SLC35F1: variants seen among roughly 807,000 people sequenced by gnomAD.
SLC35F1 encodes chromosome 6 open reading frame 169.
Under a neutral mutation model 48.7 loss-of-function variants are expected in SLC35F1, and 14 were observed. That is an observed-to-expected ratio of 0.29 (90% confidence interval 0.19 to 0.45). The LOEUF is 0.45. Ranked by LOEUF, SLC35F1 falls within the 20% of genes least tolerant of loss-of-function variation. SLC35F1 has a pLI of 1.00. For missense variants in SLC35F1, 404 were observed against 500.0 expected, an observed-to-expected ratio of 0.81 and a Z score of 1.83; for synonymous variants, 190 against 202.2, an observed-to-expected ratio of 0.94 and a Z score of 0.51.
intron 1 of SLC35F1, among the ~76,000 whole-genome samples, chr6:118,054,582 G>T (rs1772437165): frequency 6.6e-6 from 1 of 152,166 alleles, no homozygotes; most frequent in Admixed American, 6.5e-5. Flanking sequence ...AAAAGGTGAT[G>T]TGGGTTTGTG....
chr6:117,936,348 G>A (rs865985415), intron 1 of SLC35F1, among the ~76,000 whole-genome samples: 3 of 152,132 alleles, frequency 2.0e-5, no homozygotes, highest in Non-Finnish European at 4.4e-5. Flanking sequence ...GTAGTTGGTG[G>A]TAGGATTATA....
At position 118,314,231 on chromosome 6, in the gene SLC35F1, G is replaced by C. The variant is rs372051123; in HGVS notation, c.1206G>C (p.Glu402Asp). The change falls in exon 8 of 8, where the codon GAG (glutamate) becomes GAC (aspartate). Residue 402 changes from glutamate to aspartate, a missense_variant. By Grantham distance (45) the Glu-to-Asp change is conservative (BLOSUM62 2). Coordinates refer to ENST00000360388, the MANE Select transcript of SLC35F1 (RefSeq NM_001029858.4). ...YTSLGQETEE[E>D]PHVRVA Reference sequence around the variant, plus strand: ...GCCTGGGCCAGGAGACCGAAGAGGAGCCTCATGTTCGTGTGGCCTAGGGTG... The same window carrying C: ...GCCTGGGCCAGGAGACCGAAGAGGACCCTCATGTTCGTGTGGCCTAGGGTG... The C allele has an allele frequency of 1.9e-6, 3 of 1,614,208 alleles. No homozygotes were observed. Among genetic ancestry groups the C allele is most frequent in the Non-Finnish European group, 2.5e-6 (3 of 1,180,024 alleles).
chr6:118,107,517 A>G (rs1468769647), intron 1 of SLC35F1, among the ~76,000 whole-genome samples: 1 of 152,146 alleles, frequency 6.6e-6, no homozygotes, highest in Non-Finnish European at 1.5e-5. Flanking sequence ...GATTTTCTCC[A>G]TTGTCCAACA....
chr6:118,011,803 C>T (rs192629033), intron 1 of SLC35F1, among the ~76,000 whole-genome samples: 1 of 152,264 alleles, frequency 6.6e-6, no homozygotes, highest in Admixed American at 6.5e-5. Flanking sequence ...ACAGGACAGC[C>T]CTGCTCAACA....
chr6:117,923,658 T>TGTACATATATACATAG (rs1775946743), intron 1 of SLC35F1, among the ~76,000 whole-genome samples: 1 of 71,468 alleles, frequency 1.4e-5, no homozygotes, highest in East Asian at 3.7e-4. Flanking sequence ...TATGTACATA[T>TGTACATATATACATAG]GTATATATAC....
At chr6:118,205,094 C>G (rs543509469) in intron 2 of SLC35F1, among the ~76,000 whole-genome samples, 2 of 152,196 alleles carry the variant, frequency 1.3e-5, no homozygotes, top group Non-Finnish European at 2.9e-5. Context: ...ACTCTTCTCT[C>G]CTGATGCAGC....
intron 1 of SLC35F1, among the ~76,000 whole-genome samples, chr6:118,046,057 G>A (rs1460300023): frequency 6.6e-6 from 1 of 152,164 alleles, no homozygotes; most frequent in Admixed American, 6.6e-5. Context: ...AATACTTAAT[G>A]CGCAAAGGCA....
intron 1 of SLC35F1, among the ~76,000 whole-genome samples, chr6:118,071,470 G>T (rs1024570461): frequency 1.3e-5 from 2 of 151,656 alleles, no homozygotes; most frequent in African/African-American, 4.8e-5. Context: ...AATTATGGTT[G>T]TTCCTCTCTG....
At chr6:117,927,004 G>T (rs1257645538) in intron 1 of SLC35F1, among the ~76,000 whole-genome samples, 1 of 152,112 alleles carries the variant, frequency 6.6e-6, no homozygotes, top group African/African-American at 2.4e-5. Context: ...GTTTGATGCT[G>T]GTCAATGTTT....
chr6:118,263,440 G>A (rs145344754), intron 3 of SLC35F1, among the ~76,000 whole-genome samples: 15 of 152,132 alleles, frequency 9.9e-5, no homozygotes, highest in East Asian at 5.8e-4. Context: ...AATAAAATTC[G>A]TTTAAATCCT....
intron 1 of SLC35F1, among the ~76,000 whole-genome samples, chr6:118,140,911 G>A (rs2516066): frequency 0.018 from 2,730 of 152,238 alleles, 97 homozygotes; most frequent in African/African-American, 0.062. Flanking sequence ...TTCTATAGCT[G>A]TACAATGTGT....
chr6:118,084,078 A>G (rs983500592), intron 1 of SLC35F1, among the ~76,000 whole-genome samples: 17 of 152,196 alleles, frequency 1.1e-4, no homozygotes, highest in African/African-American at 4.1e-4. Flanking sequence ...CATAAGAAGA[A>G]GCTGAGTTTT....
chr6:118,175,332 A>T (rs764712568), intron 2 of SLC35F1, among the ~76,000 whole-genome samples: 6 of 152,120 alleles, frequency 3.9e-5, no homozygotes, highest in Non-Finnish European at 7.4e-5. Flanking sequence ...TGGTGAGAAT[A>T]CTTGTCAAGC....
chr6:118,170,048 A>G (rs192887683), intron 2 of SLC35F1, among the ~76,000 whole-genome samples: 1 of 152,348 alleles, frequency 6.6e-6, no homozygotes, highest in Admixed American at 6.5e-5. Flanking sequence ...CTTGGATTTC[A>G]GAGTGGGAAA....
chr6:118,233,440 C>T (rs1008076895), intron 2 of SLC35F1, among the ~76,000 whole-genome samples: 8 of 152,170 alleles, frequency 5.3e-5, no homozygotes, highest in Non-Finnish European at 1.0e-4. Context: ...ACTGACCTTG[C>T]GGATCACATC....
chr6:118,230,757 G>A (rs531136426), intron 2 of SLC35F1, among the ~76,000 whole-genome samples: 42 of 152,300 alleles, frequency 2.8e-4, no homozygotes, highest in Admixed American at 2.4e-3. Context: ...GCCAAGGCGG[G>A]TGGATTCTTT....
chr6:118,009,654 T>C (rs1338971), intron 1 of SLC35F1, among the ~76,000 whole-genome samples: 99,594 of 151,884 alleles, frequency 0.66, 32,782 homozygotes, highest in East Asian at 0.82. Flanking sequence ...ACTACAACTC[T>C]GTAAAGTACA....
intron 1 of SLC35F1, among the ~76,000 whole-genome samples, chr6:117,973,830 A>T (rs995985419): frequency 6.6e-6 from 1 of 152,218 alleles, no homozygotes; most frequent in Admixed American, 6.5e-5. Flanking sequence ...GATGACCAGA[A>T]GTACCTATCA....
intron 2 of SLC35F1, among the ~76,000 whole-genome samples, chr6:118,214,226 G>A (rs1775043475): frequency 6.6e-6 from 1 of 152,102 alleles, no homozygotes. Context: ...CAAATATCTT[G>A]TAACTTTAAA....
Sources: gnomAD v4.1 joint callset for allele counts (sites outside exome capture counted in the v4.1 genomes callset) on GRCh38, gnomAD v4.1.1 for gene constraint, MANE v1.5 for transcripts, NCBI Gene and HGNC (gene_info 2026-07-23, HGNC 2026-07-21) for gene names.